MAPK10: variants seen among roughly 807,000 people sequenced by gnomAD.
MAPK10 encodes the protein mitogen-activated protein kinase 10, also known as JNK3 alpha protein kinase.
A neutral mutation model predicts 59.3 loss-of-function variants in MAPK10; 25 were observed. The observed-to-expected ratio is 0.42, with a 90% CI of 0.31 to 0.59. The LOEUF (loss-of-function observed/expected upper bound fraction) is 0.59. MAPK10 is among the 20% of genes least tolerant of loss of function. The probability of loss-of-function intolerance (pLI) is 0.15; values close to 1 mark genes in which losing one functional copy is unlikely to be tolerated. For missense variants in MAPK10, 351 were observed against 568.9 expected (o/e 0.62, Z 3.90); for synonymous variants, 190 against 200.5 (o/e 0.95, Z 0.44).
chr4:86,452,338 GA>G (rs1365720215), intron 1 of MAPK10, among the ~76,000 whole-genome samples: 1 of 152,188 alleles, frequency 6.6e-6, no homozygotes, highest in Non-Finnish European at 1.5e-5. Flanking sequence ...CCAGGTATTA[GA>G]CATTTGGGTT....
At chr4:86,295,626 G>C (rs954317556) in intron 2 of MAPK10, among the ~76,000 whole-genome samples, 19 of 151,432 alleles carry the variant, frequency 1.3e-4, no homozygotes, top group Non-Finnish European at 2.7e-4. Context: ...AATGTGTACT[G>C]TCTACTATGA....
Position 86,563,924 on chromosome 4 carries a change from C to G in MAPK10, c.-263+29986G>C, listed in dbSNP as rs139038652. On this transcript the variant is annotated intron_variant, in intron 1 of 4. Coordinates refer to the MAPK10 transcript ENST00000502302. The stretch of plus-strand genomic sequence containing the variant: ...TCAGCTCACTGCCACCTCCACCTTC[C>G]GTATTCAAGCGATTCTCCTGCCTCA... 3.1e-4 allele frequency among the ~76,000 whole-genome samples: 47 copies of G among 152,224 alleles called. 1 individual carries two copies. Among genetic ancestry groups the G allele is most frequent in the African/African-American group, 1.1e-3 (45 of 41,536 alleles).
intron 2 of MAPK10, among the ~76,000 whole-genome samples, chr4:86,229,717 GA>G (rs56738965): frequency 0.085 from 12,741 of 150,154 alleles, 1,180 homozygotes; most frequent in African/African-American, 0.23. Context: ...TTTATTTTAT[GA>G]AAAAAAAAAT....
rs1175106393 is a variant in MAPK10 at position 86,312,370 on chromosome 4, A to G, written c.-7+42160T>C. On this transcript the variant is annotated intron_variant, in intron 2 of 13. Coordinates refer to ENST00000641462, the MANE Select transcript of MAPK10 (RefSeq NM_138982.4). Reference sequence around the variant, plus strand: ...ATTCTAATTTTTATTACGTGTGACTAGTTTTCACATATGAAAATACCCATA... The same window carrying G: ...ATTCTAATTTTTATTACGTGTGACTGGTTTTCACATATGAAAATACCCATA... 2.6e-5 allele frequency among the ~76,000 whole-genome samples: 4 copies of G among 152,084 alleles called. No homozygotes were observed. The East Asian group carries it at 5.8e-4, about 22-fold the overall frequency.
chr4:86,066,379 T>C (rs1306795844), intron 10 of MAPK10, among the ~76,000 whole-genome samples: 1 of 152,192 alleles, frequency 6.6e-6, no homozygotes, highest in Non-Finnish European at 1.5e-5. Context: ...TTTAAAGACC[T>C]CTTTAATTTG....
At chr4:86,470,509 T>C (rs1579323721) in intron 1 of MAPK10, among the ~76,000 whole-genome samples, 1 of 152,176 alleles carries the variant, frequency 6.6e-6, no homozygotes, top group Non-Finnish European at 1.5e-5. Context: ...TGCTTTCCTA[T>C]ATTGTCTTCT....
At chr4:86,397,446 G>C (rs1316464314) in intron 1 of MAPK10, among the ~76,000 whole-genome samples, 1 of 152,128 alleles carries the variant, frequency 6.6e-6, no homozygotes, top group Non-Finnish European at 1.5e-5. Flanking sequence ...ATTTCATGTA[G>C]TATTGCCAAG....
At chr4:86,124,178 A>G (rs1318683732) in intron 4 of MAPK10, 2 of 152,030 alleles carry the variant, frequency 1.3e-5, no homozygotes, top group African/African-American at 4.8e-5. Context: ...TATCACAATA[A>G]GAAATGTATG....
At chr4:86,485,176 C>A (rs1004504678) in intron 1 of MAPK10, among the ~76,000 whole-genome samples, 6 of 152,140 alleles carry the variant, frequency 3.9e-5, no homozygotes, top group Admixed American at 3.9e-4. Context: ...CCCCACTTAA[C>A]CTTTAGCCTT....
At chr4:86,154,821 T>G (rs908705799) in intron 4 of MAPK10, among the ~76,000 whole-genome samples, 2 of 152,136 alleles carry the variant, frequency 1.3e-5, no homozygotes, top group African/African-American at 2.4e-5. Flanking sequence ...TAAGGTATCT[T>G]AAAGTACTGA....
intron 3 of MAPK10, among the ~76,000 whole-genome samples, chr4:86,172,237 G>T (rs1483207707): frequency 1.1e-4 from 16 of 142,030 alleles, no homozygotes; most frequent in Admixed American, 1.0e-3. Flanking sequence ...TATACCCAAA[G>T]GACTATAAAT....
At chr4:86,500,360 G>C (rs2869443) in intron 1 of MAPK10, among the ~76,000 whole-genome samples, 7,419 of 152,216 alleles carry the variant, frequency 0.049, 243 homozygotes, top group African/African-American at 0.063. Context: ...GCACGTTGCA[G>C]TAATCCTGAC....
At chr4:86,290,243 G>C (rs1243375156) in intron 2 of MAPK10, among the ~76,000 whole-genome samples, 3 of 152,206 alleles carry the variant, frequency 2.0e-5, no homozygotes, top group African/African-American at 7.2e-5. Flanking sequence ...GAAGAGGAAA[G>C]CTGGAAAGTG....
chr4:86,023,207 C>T (rs1189843139), intron 13 of MAPK10, among the ~76,000 whole-genome samples: 1 of 152,268 alleles, frequency 6.6e-6, no homozygotes, highest in East Asian at 1.9e-4. Context: ...TATTCTTTGT[C>T]CATGTCTTAC....
intron 2 of MAPK10, among the ~76,000 whole-genome samples, chr4:86,212,665 A>G (rs189694217): frequency 6.6e-6 from 1 of 152,360 alleles, no homozygotes; most frequent in East Asian, 1.9e-4. Flanking sequence ...AGCATTCAAT[A>G]TAAAAGAAGA....
At chr4:86,473,365 C>G (rs1156656312) in intron 1 of MAPK10, among the ~76,000 whole-genome samples, 1 of 152,058 alleles carries the variant, frequency 6.6e-6, no homozygotes, top group Non-Finnish European at 1.5e-5. Flanking sequence ...AATGAATGAC[C>G]TACTGTGAAG....
chr4:86,294,988 A>T (rs1438543188), intron 2 of MAPK10, among the ~76,000 whole-genome samples: 1 of 152,170 alleles, frequency 6.6e-6, no homozygotes, highest in African/African-American at 2.4e-5. Context: ...CCGGTGATAC[A>T]GGGAACTTGC....
chr4:86,058,515 G>A (rs1296945957), intron 11 of MAPK10, among the ~76,000 whole-genome samples: 1 of 149,346 alleles, frequency 6.7e-6, no homozygotes, highest in Non-Finnish European at 1.5e-5. Flanking sequence ...TTCTCTAGAA[G>A]CAGCTGTATC....
At chr4:86,277,892 C>G (rs1294221111) in intron 2 of MAPK10, among the ~76,000 whole-genome samples, 3 of 151,858 alleles carry the variant, frequency 2.0e-5, no homozygotes, top group Non-Finnish European at 4.4e-5. Flanking sequence ...CCATTTATTT[C>G]AAAGAAAAAA....
Sources: allele counts gnomAD v4.1 joint callset (sites outside exome capture counted in the v4.1 genomes callset), GRCh38; gene constraint gnomAD v4.1.1; transcripts MANE v1.5; gene names NCBI Gene and HGNC (gene_info 2026-07-23, HGNC 2026-07-21).